DCAF6: variants seen among roughly 807,000 people sequenced by gnomAD.
The protein encoded by DCAF6 is DDB1 and CUL4 associated factor 6.
In DCAF6, 54 loss-of-function variants were observed where a neutral mutation model predicts 125.1. That is an observed-to-expected ratio of 0.43 (90% CI 0.35 to 0.54). The LOEUF (loss-of-function observed/expected upper bound fraction) is 0.54. Among genes scored for constraint, DCAF6 ranks in the 20% least tolerant of loss-of-function variants. DCAF6 has a pLI of 0.01. For missense variants in DCAF6, 934 were observed against 1,161.7 expected, an observed-to-expected ratio of 0.80 and a Z score of 2.85; for synonymous variants, 371 against 390.4, an observed-to-expected ratio of 0.95 and a Z score of 0.58.
intron 12 of DCAF6, among the ~76,000 whole-genome samples, chr1:168,034,009 T>A (rs1038053902): frequency 1.3e-5 from 2 of 152,212 alleles, no homozygotes; most frequent in African/African-American, 4.8e-5. Context: ...ACAACATAGT[T>A]TTCCTATACT....
At chr1:167,875,851 G>T in the DCAF6 span, among the ~76,000 whole-genome samples, 3 of 152,182 alleles carry the variant, frequency 2.0e-5, no homozygotes, top group Non-Finnish European at 4.4e-5. Context: ...TACTCAGGGG[G>T]CTGAGGCAGG....
chr1:168,030,965 C>T (rs544783011), intron 12 of DCAF6, among the ~76,000 whole-genome samples: 6 of 152,094 alleles, frequency 3.9e-5, no homozygotes, highest in East Asian at 1.9e-4. Flanking sequence ...GAAGCATGGG[C>T]GGGGACGTGT....
At chr1:167,931,581 G>A (rs372753936), upstream of DCAF6, among the ~76,000 whole-genome samples, 22 of 151,750 alleles carry the variant, frequency 1.4e-4, no homozygotes, top group East Asian at 4.1e-3. Flanking sequence ...TAATATCTTA[G>A]ACTGGCATTA....
intron 10 of DCAF6, among the ~76,000 whole-genome samples, chr1:168,013,225 G>A (rs2103154095): frequency 6.6e-6 from 1 of 152,220 alleles, no homozygotes; most frequent in East Asian, 1.9e-4. Context: ...TACCCTATTG[G>A]TACTGGATCA....
chr1:167,992,920 A>ATTT (rs1359548607), intron 6 of DCAF6, among the ~76,000 whole-genome samples: 1 of 152,234 alleles, frequency 6.6e-6, no homozygotes, highest in Non-Finnish European at 1.5e-5. Flanking sequence ...CTTTTGGAAG[A>ATTT]TGACTTCGTG....
chr1:167,920,565 C>A, the DCAF6 span: 2 of 1,613,722 alleles, frequency 1.2e-6, no homozygotes, highest in African/African-American at 2.7e-5. Context: ...ATCAAAACAG[C>A]AGATTGAGCT....
chr1:167,901,961 C>T, the DCAF6 span: 1 of 1,609,742 alleles, frequency 6.2e-7, no homozygotes, highest in African/African-American at 1.3e-5. Context: ...AACACAGAAG[C>T]ACAGGCACCT....
At chr1:167,882,504 A>AAAAAG in the DCAF6 span, among the ~76,000 whole-genome samples, 1 of 149,382 alleles carries the variant, frequency 6.7e-6, no homozygotes, top group Admixed American at 6.7e-5. Flanking sequence ...AAAAAAAAAA[A>AAAAAG]GAACAGAGCG....
intron 17 of DCAF6, among the ~76,000 whole-genome samples, chr1:168,060,531 C>T (rs895160938): frequency 4.6e-5 from 7 of 152,134 alleles, no homozygotes; most frequent in African/African-American, 9.7e-5. Context: ...ATACAGTTCT[C>T]GTTTATTCAT....
chr1:167,996,566 G>A (rs1681733135), intron 7 of DCAF6, among the ~76,000 whole-genome samples: 1 of 152,098 alleles, frequency 6.6e-6, no homozygotes, highest in Non-Finnish European at 1.5e-5. Context: ...CATTCAAAGT[G>A]ATCCTTAGAA....
At chr1:168,059,696 A>G (rs1016515633) in intron 17 of DCAF6, among the ~76,000 whole-genome samples, 2 of 151,794 alleles carry the variant, frequency 1.3e-5, no homozygotes, top group African/African-American at 4.8e-5. Context: ...CCTAGGCTGG[A>G]TTGCAGTGGC....
At chr1:167,890,124 G>A in the DCAF6 span, among the ~76,000 whole-genome samples, 5 of 151,806 alleles carry the variant, frequency 3.3e-5, no homozygotes, top group Non-Finnish European at 7.4e-5. Context: ...GTGGAAGTTC[G>A]TCAGTGTCTG....
At chr1:167,927,657 G>C in the DCAF6 span, among the ~76,000 whole-genome samples, 89 of 151,340 alleles carry the variant, frequency 5.9e-4, no homozygotes, top group African/African-American at 2.1e-3. Context: ...TGGCTGACAG[G>C]CTTAAATGGT....
intron 7 of DCAF6, among the ~76,000 whole-genome samples, chr1:167,995,271 A>G (rs1036227772): frequency 6.6e-6 from 1 of 152,252 alleles, no homozygotes; most frequent in African/African-American, 2.4e-5. Flanking sequence ...AGATATTTAT[A>G]TAATCAGAGT....
At chr1:167,873,060 ACT>A in the DCAF6 span, among the ~76,000 whole-genome samples, 8 of 151,728 alleles carry the variant, frequency 5.3e-5, no homozygotes, top group African/African-American at 1.5e-4. Flanking sequence ...ACAGAGTGAG[ACT>A]CTGTCTCAAA....
chr1:168,022,167 A>G (rs1172606330), intron 11 of DCAF6, among the ~76,000 whole-genome samples: 2 of 152,168 alleles, frequency 1.3e-5, no homozygotes, highest in Non-Finnish European at 2.9e-5. Flanking sequence ...CTAACTTCTG[A>G]TGAGTGCTCT....
chr1:167,952,372 C>A (rs1674098367), intron 2 of DCAF6, among the ~76,000 whole-genome samples: 1 of 151,954 alleles, frequency 6.6e-6, no homozygotes, highest in African/African-American at 2.4e-5. Flanking sequence ...TGCCTGCCAC[C>A]ACGCCTGGCT....
chr1:167,886,482 A>G, the DCAF6 span, among the ~76,000 whole-genome samples: 1 of 152,222 alleles, frequency 6.6e-6, no homozygotes, highest in Non-Finnish European at 1.5e-5. Flanking sequence ...TGCTGGGAAA[A>G]CTGGCTAGCC....
chr1:167,942,281 C>T lies in DCAF6; in HGVS notation c.97+5273C>T, dbSNP rs1672367798. Among the ~76,000 whole-genome samples the T allele has an allele frequency of 2.7e-5, 4 of 150,364 alleles. No individual in the cohort carries two copies. In the Middle Eastern group the frequency reaches 0.01, roughly 392 times the overall value. On this transcript the variant is annotated intron_variant, in intron 1 of 21. Transcript: ENST00000367840. The stretch of plus-strand genomic sequence containing the variant: ...GTTTTGCCATGTTGGTCAGGCTGGT[C>T]TCGAACTCCTGACCTCAGGTGATTG...
Sources: allele counts gnomAD v4.1 joint callset (sites outside exome capture counted in the v4.1 genomes callset), GRCh38; gene constraint gnomAD v4.1.1; transcripts MANE v1.5; gene names NCBI Gene and HGNC (gene_info 2026-07-23, HGNC 2026-07-21).